MON1B: variants seen among roughly 807,000 people sequenced by gnomAD.
MON1B encodes the protein MON1 vesicular trafficking associated B, also known as vacuolar fusion protein MON1 homolog B.
Under a neutral mutation model 45.1 loss-of-function variants are expected in MON1B, and 26 were observed. The ratio of observed to expected loss-of-function variants is 0.58; its 90% CI spans 0.42 to 0.80. The LOEUF is 0.80. Ranked by LOEUF, MON1B falls within the 30% of genes least tolerant of loss-of-function variation. MON1B has a pLI of 0.00. For synonymous variants in MON1B, 395 were observed against 320.2 expected, an observed-to-expected ratio of 1.23 and a Z score of -2.49; for missense variants, 737 against 754.5, an observed-to-expected ratio of 0.98 and a Z score of 0.27.
chr16:77,194,481 C>A lies in MON1B; in HGVS notation c.622C>A (p.Arg208Ser). The change falls in exon 4 of 6, where the codon CGC becomes AGC. Residue 208 changes from arginine to serine, a missense_variant. Coordinates refer to ENST00000248248, the MANE Select transcript of MON1B (RefSeq NM_014940.4). This position sits in a 1 kb window ranked among gnomAD's most constrained non-coding sequence, Gnocchi z 8.1. ...CACACTTACACGTGCAAGTGTCGCC[C>A]GCATCTTCGCACACAAGCAGAACTA... ...VSTLTRASVA[R>S]IFAHKQNYDL... 6.2e-7 allele frequency: 1 copy of A among 1,614,070 alleles called. No homozygotes were observed. The highest frequency in any genetic ancestry group is 8.5e-7 in the Non-Finnish European group (1 of 1,180,004).
rs1364092884 is a variant in MON1B at position 77,194,158 on chromosome 16, C to T, written c.476-177C>T. ...TTCCTTTGTCCATCCCATCATGTCT[C>T]TGCAAATGTCCAGATTCCTCCAGCT... On this transcript the variant is annotated intron_variant, in intron 3 of 5. Transcript: ENST00000248248. The surrounding 1 kb of genome is among the most constrained non-coding windows in gnomAD (Gnocchi z 8.1). 7.1e-6 allele frequency: 5 copies of T among 699,424 alleles called. No homozygotes were observed. The highest frequency in any genetic ancestry group is 1.6e-5 in the South Asian group (1 of 60,884). 43.3% of individuals were successfully genotyped at this position (699,424 alleles called of 1,614,324 possible).
rs1237395516 is a variant in MON1B, at chr16:77,198,536, G to T, written c.*228G>T. The T allele has an allele frequency of 1.7e-6, 1 of 576,346 alleles. No individual in the cohort carries two copies. The highest frequency in any genetic ancestry group is 3.1e-6 in the Non-Finnish European group (1 of 322,888). 35.7% of individuals were successfully genotyped at this position (576,346 alleles called of 1,614,324 possible). A position where few individuals can be genotyped will look rare whatever the true frequency, so the allele number is the denominator to read the frequency against. On this transcript the variant is annotated 3_prime_UTR_variant, in exon 6 of 6. Transcript: ENST00000248248. ...ACCTCCCCCTCTGGGGAAATCCTTA[G>T]GCCTCCCTCTCCCTTCCCTCTGTCT...
In MON1B at chr16:77,193,419, A is replaced by C. The variant is rs1386051606; in HGVS notation, c.149-32A>C. 6.6e-7 allele frequency: 1 copy of C among 1,523,598 alleles called. No individual in the cohort carries two copies. Among genetic ancestry groups the C allele is most frequent in the African/African-American group, 1.4e-5 (1 of 71,908 alleles). 94.4% of individuals were successfully genotyped at this position (1,523,598 alleles called of 1,614,324 possible). A position where few individuals can be genotyped will look rare whatever the true frequency, so the allele number is the denominator to read the frequency against. On this transcript the variant is annotated intron_variant, in intron 2 of 5. Coordinates refer to ENST00000248248, the MANE Select transcript of MON1B (RefSeq NM_014940.4). This position sits in a 1 kb window ranked among gnomAD's most constrained non-coding sequence, Gnocchi z 5.0. Reference sequence around the variant, plus strand: ...GATGTGGGATTAGTTAGGAGTTCACATGCAGATGACCCACCAGGGGCTCCC... The same window carrying C: ...GATGTGGGATTAGTTAGGAGTTCACCTGCAGATGACCCACCAGGGGCTCCC...
chr16:77,195,019 C>G lies in MON1B; in HGVS notation c.1160C>G (p.Ala387Gly). 1 of 1,613,004 alleles carries G rather than the reference C, an allele frequency of 6.2e-7. No individual in the cohort carries two copies. Among genetic ancestry groups the G allele is most frequent in the Non-Finnish European group, 8.5e-7 (1 of 1,179,976 alleles). ...LGAMRALGEA[A>G]SFSNASSASA... is the part of the protein sequence containing the mutation. ...GCCATGCGTGCCCTTGGGGAGGCTG[C>G]CAGCTTCTCTAATGCCTCATCAGCC... is the stretch of plus-strand genomic sequence containing the variant. Residue 387 changes from alanine (A) to glycine (G), a missense_variant, in exon 4 of 6, where the codon GCC becomes GGC. Coordinates refer to ENST00000248248, the MANE Select transcript of MON1B (RefSeq NM_014940.4).
Position 77,200,291 on chromosome 16 carries a change from T to TATATATATACATATATATATATATATAC in MON1B, c.*1984_*1985insTATATATACATATATATATATATATACA. The stretch of plus-strand genomic sequence containing the variant: ...ATATATGTGTATATATATATATATA[T>TATATATATACATATATATATATATATAC]ACACACACTAATCAGCCGGGCGCGG... On this transcript the variant is annotated 3_prime_UTR_variant, in exon 6 of 6. Coordinates refer to ENST00000248248, the MANE Select transcript of MON1B (RefSeq NM_014940.4). 2 of 111,438 alleles carry TATATATATACATATATATATATATATAC rather than the reference T, an allele frequency of 1.8e-5. No individual in the cohort carries two copies. The highest frequency in any genetic ancestry group is 2.7e-4 in the South Asian group (1 of 3,684). 6.9% of individuals were successfully genotyped at this position (111,438 alleles called of 1,614,324 possible). A position where few individuals can be genotyped will look rare whatever the true frequency, so the allele number is the denominator to read the frequency against.
At chr16:77,192,222 G>A (rs1190614999) in intron 2 of MON1B, among the ~76,000 whole-genome samples, 7 of 152,210 alleles carry the variant, frequency 4.6e-5, no homozygotes, top group Non-Finnish European at 8.8e-5. Context: ...TGTAAATGGA[G>A]TCATTGGGAA....
Position 77,199,363 on chromosome 16 carries a change from C to T in MON1B, c.*1055C>T. ...CGCTGGCGTAACCGCGGGTTGCACG[C>T]ATGCGTGCTGAAAAGCCTTTCACCC... On this transcript the variant is annotated 3_prime_UTR_variant, in exon 6 of 6. Transcript: ENST00000248248. The T allele has an allele frequency of 7.5e-7, 1 of 1,340,562 alleles. No homozygotes were observed. Among genetic ancestry groups the T allele is most frequent in the Non-Finnish European group, 1.0e-6 (1 of 962,716 alleles). 83.0% of individuals were successfully genotyped at this position (1,340,562 alleles called of 1,614,324 possible). A position where few individuals can be genotyped will look rare whatever the true frequency, so the allele number is the denominator to read the frequency against.
chr16:77,201,220 C>T lies in MON1B; in HGVS notation c.*2912C>T, dbSNP rs1313422992. On this transcript the variant is annotated 3_prime_UTR_variant, in exon 6 of 6. Coordinates refer to ENST00000248248, the MANE Select transcript of MON1B (RefSeq NM_014940.4). ...AGAGAGCTCTTTTAGATTAGAGGCA[C>T]ATACTAAGTGCCAGCATTCAACAAA... 6.6e-6 allele frequency: 1 copy of T among 152,148 alleles called. No homozygotes were observed. Among genetic ancestry groups the T allele is most frequent in the African/African-American group, 2.4e-5 (1 of 41,412 alleles). The allele number at this position is 152,148 out of a possible 1,614,324, so 9.4% of individuals were successfully genotyped here.
Position 77,199,343 on chromosome 16 carries a change from G to A in MON1B, c.*1035G>A. 6 of 1,096,986 alleles carry A rather than the reference G, an allele frequency of 5.5e-6. No individual in the cohort carries two copies. The highest frequency in any genetic ancestry group is 8.0e-6 in the Non-Finnish European group (6 of 754,478). The allele number at this position is 1,096,986 out of a possible 1,614,324, so 68.0% of individuals were successfully genotyped here. On this transcript the variant is annotated 3_prime_UTR_variant, in exon 6 of 6. Transcript: ENST00000248248. ...GAGCTGACTCCTGATTTAACCGCTG[G>A]CGTAACCGCGGGTTGCACGCATGCG...
chr16:77,202,177 G>C lies in MON1B; in HGVS notation c.*3869G>C, dbSNP rs1439475569. The C allele has an allele frequency of 6.6e-6, 1 of 152,162 alleles. No homozygotes were observed. Among genetic ancestry groups the C allele is most frequent in the African/African-American group, 2.4e-5 (1 of 41,416 alleles). 9.4% of individuals were successfully genotyped at this position (152,162 alleles called of 1,614,324 possible). ...ATATTGGATCAGTATTAACATCCAGGTTTTGATTGTTGTACTATGGTTACC... is the reference window on the plus strand; with the variant it reads ...ATATTGGATCAGTATTAACATCCAGCTTTTGATTGTTGTACTATGGTTACC... On this transcript the variant is annotated 3_prime_UTR_variant, in exon 6 of 6. Coordinates refer to ENST00000248248, the MANE Select transcript of MON1B (RefSeq NM_014940.4).
At position 77,199,330 on chromosome 16, in the gene MON1B, G is replaced by A; in HGVS notation, c.*1022G>A. ...CTGCGCCTGCCCAGAGCTGACTCCT[G>A]ATTTAACCGCTGGCGTAACCGCGGG... On this transcript the variant is annotated 3_prime_UTR_variant, in exon 6 of 6. Transcript: ENST00000248248. The A allele has an allele frequency of 1.1e-6, 1 of 951,068 alleles. No homozygotes were observed. Among genetic ancestry groups the A allele is most frequent in the South Asian group, 1.6e-5 (1 of 62,242 alleles). 58.9% of individuals were successfully genotyped at this position (951,068 alleles called of 1,614,324 possible).
In MON1B at chr16:77,193,954, G is replaced by C. The variant is rs1050865769; in HGVS notation, c.475+177G>C. On this transcript the variant is annotated intron_variant, in intron 3 of 5. Coordinates refer to ENST00000248248, the MANE Select transcript of MON1B (RefSeq NM_014940.4). This position sits in a 1 kb window ranked among gnomAD's most constrained non-coding sequence, Gnocchi z 5.0. ...GGGGGGGTTCATCTCTGTCTGGCCT[G>C]CTGGTTTCTTAGTGATTGACTTGCT... The C allele has an allele frequency of 1.4e-5, 9 of 655,164 alleles. No individual in the cohort carries two copies. The highest frequency in any genetic ancestry group is 1.8e-5 in the Non-Finnish European group (7 of 387,170). 40.6% of individuals were successfully genotyped at this position (655,164 alleles called of 1,614,324 possible).
chr16:77,198,002 A>C, intron 5 of MON1B, 106 bp from the exon 6 acceptor site: 2 of 1,117,678 alleles, frequency 1.8e-6, no homozygotes, highest in Non-Finnish European at 2.7e-6. Context: ...GCTGCCAGGT[A>C]CATGTTCCAG....
At position 77,200,746 on chromosome 16, in the gene MON1B, C is replaced by CAAAAAAAAAAAA. The variant is rs11344903; in HGVS notation, c.*2446_*2457dup. 1.2e-3 allele frequency: 102 copies of CAAAAAAAAAAAA among 84,666 alleles called. No individual in the cohort carries two copies. The highest frequency in any genetic ancestry group is 6.5e-3 in the Middle Eastern group (1 of 154). The allele number at this position is 84,666 out of a possible 1,614,324, so 5.2% of individuals were successfully genotyped here. ...ACTCCAGCGCGGAAGACAGAGTGAG[C>CAAAAAAAAAAAA]AAAAAAAAAAAAAAAAAAAGAAAAA... On this transcript the variant is annotated 3_prime_UTR_variant, in exon 6 of 6. Coordinates refer to ENST00000248248, the MANE Select transcript of MON1B (RefSeq NM_014940.4).
Position 77,198,371 on chromosome 16 carries a change from T to A in MON1B, c.*63T>A. ...CCACCTTTGTTTTTTACCTTCTGTC[T>A]ACCCTGGAAATGTGTGTGGGGGTGT... is the stretch of plus-strand genomic sequence containing the variant. On this transcript the variant is annotated 3_prime_UTR_variant, in exon 6 of 6. Coordinates refer to ENST00000248248, the MANE Select transcript of MON1B (RefSeq NM_014940.4). 1 of 1,523,176 alleles carries A rather than the reference T, an allele frequency of 6.6e-7. No individual in the cohort carries two copies. Among genetic ancestry groups the A allele is most frequent in the Non-Finnish European group, 9.1e-7 (1 of 1,099,948 alleles). 94.4% of individuals were successfully genotyped at this position (1,523,176 alleles called of 1,614,324 possible).
Position 77,199,621 on chromosome 16 carries a change from A to G in MON1B, c.*1313A>G. 2 of 969,738 alleles carry G rather than the reference A, an allele frequency of 2.1e-6. No individual in the cohort carries two copies. Among genetic ancestry groups the G allele is most frequent in the Non-Finnish European group, 3.1e-6 (2 of 655,482 alleles). The allele number at this position is 969,738 out of a possible 1,614,324, so 60.1% of individuals were successfully genotyped here. On this transcript the variant is annotated 3_prime_UTR_variant, in exon 6 of 6. Coordinates refer to ENST00000248248, the MANE Select transcript of MON1B (RefSeq NM_014940.4). The stretch of plus-strand genomic sequence containing the variant: ...TAATGATATTCTAATTTTTTTAAAT[A>G]AAATGTTAAGCCTTTTGTTATTGAA...
Position 77,193,886 on chromosome 16 carries a change from T to C in MON1B, c.475+109T>C. On this transcript the variant is annotated intron_variant, in intron 3 of 5. Coordinates refer to ENST00000248248, the MANE Select transcript of MON1B (RefSeq NM_014940.4). This position sits in a 1 kb window ranked among gnomAD's most constrained non-coding sequence, Gnocchi z 5.0. ...ATCCAGCCAGCCAGGGTTGGGTCCA[T>C]GTGTGTGGATGGTCAGCCAGAGCTC... The C allele has an allele frequency of 8.9e-7, 1 of 1,127,812 alleles. No homozygotes were observed. The highest frequency in any genetic ancestry group is 1.2e-6 in the Non-Finnish European group (1 of 806,484). The allele number at this position is 1,127,812 out of a possible 1,614,324, so 69.9% of individuals were successfully genotyped here. A position where few individuals can be genotyped will look rare whatever the true frequency, so the allele number is the denominator to read the frequency against.
Position 77,195,090 on chromosome 16 carries a change from C to T in MON1B, c.1231C>T (p.Arg411Trp), listed in dbSNP as rs2232507. The T allele has an allele frequency of 4.2e-5, 68 of 1,602,888 alleles. No homozygotes were observed. Among genetic ancestry groups the T allele is most frequent in the Non-Finnish European group, 5.1e-5 (60 of 1,179,710 alleles). ...SVQAVGAPGL[R>W]HFLYKPLDIP... ...GCAGGCTGTCGGGGCGCCGGGCCTC[C>T]GGCACTTCCTGTATAAGCCGCTGGA... Residue 411 changes from arginine to tryptophan, a missense_variant, in exon 4 of 6, where the codon CGG becomes TGG. Physicochemically the swap from Arg to Trp is moderately radical, Grantham distance 101. Coordinates refer to ENST00000248248, the MANE Select transcript of MON1B (RefSeq NM_014940.4).
In MON1B at chr16:77,195,103, A is replaced by G. The variant is rs1157496224; in HGVS notation, c.1244A>G (p.Tyr415Cys). The G allele has an allele frequency of 1.2e-6, 2 of 1,600,992 alleles. No individual in the cohort carries two copies. The highest frequency in any genetic ancestry group is 1.7e-6 in the Non-Finnish European group (2 of 1,179,694). ...VGAPGLRHFL[Y>C]KPLDIPDHHR... ...GCGCCGGGCCTCCGGCACTTCCTGT[A>G]TAAGCCGCTGGACATCCCTGACCAC... Residue 415 changes from tyrosine to cysteine, a missense_variant, in exon 4 of 6, where the codon TAT (tyrosine) becomes TGT (cysteine). Transcript: ENST00000248248.
Sources: allele counts gnomAD v4.1 joint callset (sites outside exome capture counted in the v4.1 genomes callset), GRCh38; gene constraint gnomAD v4.1.1; non-coding constraint Gnocchi (gnomAD v3.1); transcripts MANE v1.5; gene names NCBI Gene and HGNC (gene_info 2026-07-23, HGNC 2026-07-21).